Variants in CFH observed in about 807,000 individuals in gnomAD.
CFH encodes H factor 1 (complement).
Under a neutral mutation model 147.3 loss-of-function variants are expected in CFH, and 53 were observed. That is an observed-to-expected ratio of 0.36 (90% CI 0.29 to 0.45). The LOEUF is 0.45. Ranked by LOEUF, CFH falls within the 20% of genes least tolerant of loss-of-function variation. The pLI is 1.00. For missense variants in CFH, 1,380 were observed against 1,498.0 expected, an observed-to-expected ratio of 0.92 and a Z score of 1.30; for synonymous variants, 536 against 489.4, an observed-to-expected ratio of 1.10 and a Z score of -1.26.
At chr1:196,684,953 T>C in intron 6 of CFH, 111 bp from the exon 7 acceptor site, 1 of 819,154 alleles carries the variant, frequency 1.2e-6, no homozygotes, top group Non-Finnish European at 2.0e-6. Flanking sequence ...AATGCCATTT[T>C]GTATTATGCT....
At chr1:196,664,487 C>T (rs940188689) in intron 1 of CFH, among the ~76,000 whole-genome samples, 7 of 152,202 alleles carry the variant, frequency 4.6e-5, no homozygotes, top group Admixed American at 4.6e-4. Flanking sequence ...GCCATAATGT[C>T]TCGCTACTCA....
intron 9 of CFH, among the ~76,000 whole-genome samples, chr1:196,705,481 T>C (rs1668565379): frequency 6.6e-6 from 1 of 152,164 alleles, no homozygotes. Context: ...ACTTCTAGAA[T>C]GGACAAGGAA....
chr1:196,725,059 T>C, intron 11 of CFH, 62 bp from the exon 12 acceptor site: 1 of 1,425,450 alleles, frequency 7.0e-7, no homozygotes. Context: ...GTGGCATATG[T>C]AAAATTAACT....
chr1:196,703,693 C>T (rs1173533397), intron 9 of CFH, among the ~76,000 whole-genome samples: 1 of 152,038 alleles, frequency 6.6e-6, no homozygotes, highest in Non-Finnish European at 1.5e-5. Flanking sequence ...TCATTTAAAG[C>T]ACAGTTTTTT....
At chr1:196,688,267 A>G (rs1667895886) in intron 7 of CFH, among the ~76,000 whole-genome samples, 1 of 152,070 alleles carries the variant, frequency 6.6e-6, no homozygotes, top group South Asian at 2.1e-4. Flanking sequence ...ACAAGATAGC[A>G]CTCAAATGTA....
In CFH at chr1:196,675,251, AT is replaced by A. The variant is rs370202862; in HGVS notation, c.351-732del. ...CAGGGAACTCATATTCAAGTAGAGC[AT>A]TTTTTAGATTCAAAGGGCAGGCTTG... On this transcript the variant is annotated intron_variant, in intron 3 of 21. Coordinates refer to ENST00000367429, the MANE Select transcript of CFH (RefSeq NM_000186.4). 2.9e-3 allele frequency among the ~76,000 whole-genome samples: 443 copies of A among 152,238 alleles called. 2 individuals carry two copies. The highest frequency in any genetic ancestry group is 0.021 in the East Asian group (108 of 5,190).
intron 16 of CFH, 124 bp downstream of exon 16, chr1:196,737,130 TAG>T: frequency 1.2e-6 from 1 of 862,788 alleles, no homozygotes; most frequent in East Asian, 2.7e-5. Flanking sequence ...CAAAATAAAT[TAG>T]GACCTAGGCA....
chr1:196,676,181 TC>T (rs2149079863), intron 4 of CFH, 116 bp downstream of exon 4: 6 of 642,988 alleles, frequency 9.3e-6, no homozygotes, highest in East Asian at 3.0e-5. Context: ...TGTTTTTTTT[TC>T]TCATACAATG....
chr1:196,715,484 A>T, intron 10 of CFH, 109 bp from the exon 11 acceptor site: 3 of 841,760 alleles, frequency 3.6e-6, no homozygotes, highest in Non-Finnish European at 5.9e-6. Flanking sequence ...TACGGTACCT[A>T]TTTATTAGTA....
intron 9 of CFH, among the ~76,000 whole-genome samples, chr1:196,699,809 T>A (rs1668397182): frequency 6.6e-6 from 1 of 152,182 alleles, no homozygotes; most frequent in South Asian, 2.1e-4. Flanking sequence ...AAAAAATTTT[T>A]AAAAACAGTT....
chr1:196,690,031 C>A (rs1558161950), intron 8 of CFH, 32 bp from the exon 9 acceptor site: 2 of 1,568,110 alleles, frequency 1.3e-6, no homozygotes, highest in Admixed American at 3.5e-5. Flanking sequence ...TTCTCATTTA[C>A]TTTATTTATT....
At chr1:196,656,992 T>C (rs1463986048) in intron 1 of CFH, among the ~76,000 whole-genome samples, 3 of 152,242 alleles carry the variant, frequency 2.0e-5, no homozygotes, top group African/African-American at 7.2e-5. Flanking sequence ...GTTTGTTTGT[T>C]TTGAGACAGG....
intron 6 of CFH, among the ~76,000 whole-genome samples, chr1:196,683,742 A>C (rs1433244218): frequency 6.6e-6 from 1 of 151,854 alleles, no homozygotes; most frequent in African/African-American, 2.4e-5. Flanking sequence ...GTATAGATAC[A>C]GATAATGTTG....
chr1:196,652,988 G>C (rs542554472), intron 1 of CFH, among the ~76,000 whole-genome samples: 2 of 151,582 alleles, frequency 1.3e-5, no homozygotes, highest in Non-Finnish European at 3.0e-5. Flanking sequence ...TAGATATTTG[G>C]TAAACATTTT....
chr1:196,735,994 G>A (rs1442982729), intron 15 of CFH, among the ~76,000 whole-genome samples: 1 of 151,904 alleles, frequency 6.6e-6, no homozygotes, highest in African/African-American at 2.4e-5. Flanking sequence ...TAGGAGAAAG[G>A]AAAATCAAGG....
chr1:196,737,492 C>G lies in CFH; in HGVS notation c.2614C>G (p.Gln872Glu). The change falls in exon 17 of 22, where the codon CAA becomes GAA. Residue 872 changes from glutamine to glutamate, a missense_variant. Coordinates refer to ENST00000367429, the MANE Select transcript of CFH (RefSeq NM_000186.4). ...TCATTTAGAAAAAATTCCATGTTCA[C>G]AACCACCTCAGATAGAACACGGAAC... is the stretch of plus-strand genomic sequence containing the variant. ...PLCVEKIPCS[Q>E]PPQIEHGTIN... The G allele has an allele frequency of 6.2e-7, 1 of 1,612,386 alleles. No homozygotes were observed. The highest frequency in any genetic ancestry group is 8.5e-7 in the Non-Finnish European group (1 of 1,178,878).
intron 1 of CFH, among the ~76,000 whole-genome samples, chr1:196,657,678 TTC>T (rs1441453506): frequency 6.6e-6 from 1 of 152,358 alleles, no homozygotes; most frequent in Admixed American, 6.5e-5. Flanking sequence ...TTTTTGCTAT[TTC>T]TGTTTTGTTC....
At chr1:196,701,910 C>A (rs189868914) in intron 9 of CFH, among the ~76,000 whole-genome samples, 2 of 152,102 alleles carry the variant, frequency 1.3e-5, no homozygotes, top group Non-Finnish European at 1.5e-5. Flanking sequence ...CACTGGATTT[C>A]GGAGAACAGT....
chr1:196,704,296 T>C (rs928787787), intron 9 of CFH, among the ~76,000 whole-genome samples: 5 of 152,210 alleles, frequency 3.3e-5, no homozygotes, highest in African/African-American at 1.2e-4. Flanking sequence ...GGTTTCACCA[T>C]GTTTGCCTGG....
Sources: allele counts gnomAD v4.1 joint callset (sites outside exome capture counted in the v4.1 genomes callset), GRCh38; gene constraint gnomAD v4.1.1; transcripts MANE v1.5; gene names NCBI Gene and HGNC (gene_info 2026-07-23, HGNC 2026-07-21).